FSIP2: variants seen among roughly 807,000 people sequenced by gnomAD.
FSIP2 encodes the protein fibrous sheath-interacting protein 2.
In FSIP2, 367 loss-of-function variants were observed where a neutral mutation model predicts 510.5. The observed-to-expected ratio is 0.72, with a 90% CI of 0.66 to 0.78. The LOEUF (loss-of-function observed/expected upper bound fraction) is 0.78. Among genes scored for constraint, FSIP2 ranks in the 30% least tolerant of loss-of-function variants. FSIP2 has a pLI of 0.00. For synonymous variants in FSIP2, 2,601 were observed against 2,732.2 expected (o/e 0.95, Z 1.50); for missense variants, 7,594 against 7,901.7 (o/e 0.96, Z 1.48).
chr2:185,831,067 T>C (rs370715883), intron 21 of FSIP2, among the ~76,000 whole-genome samples: 1 of 151,956 alleles, frequency 6.6e-6, no homozygotes, highest in African/African-American at 2.4e-5. Context: ...ACTCTTGTAA[T>C]AGTTATCTGT....
chr2:185,771,284 C>T (rs543059879), intron 13 of FSIP2, among the ~76,000 whole-genome samples: 1 of 152,318 alleles, frequency 6.6e-6, no homozygotes, highest in East Asian at 1.9e-4. Flanking sequence ...TTCAATCCCA[C>T]ATTTCCCCTT....
In FSIP2 at chr2:185,743,184, T is replaced by C. The variant is rs76731554; in HGVS notation, c.277T>C (p.Leu93=). 1.2e-3 allele frequency: 1,872 copies of C among 1,529,324 alleles called. 23 individuals are homozygous for C. The African/African-American group carries it at 0.021, about 17-fold the overall frequency. The allele number at this position is 1,529,324 out of a possible 1,614,324, so 94.7% of individuals were successfully genotyped here. ...CCTGACTGATCCCTATTGTCGACTT[T>C]TGGAAAACCAATATAAAAGCCTCCA... ...FNLTDPYCRL[L]ENQYKSLHDP... The change falls in exon 3 of 23, where the codon TTG becomes CTG. Residue 93 remains leucine, a synonymous_variant. Transcript: ENST00000424728.
Position 185,800,926 on chromosome 2 carries a change from A to G in FSIP2, c.11620A>G (p.Asn3874Asp). 6.5e-7 allele frequency: 1 copy of G among 1,532,112 alleles called. No homozygotes were observed. Among genetic ancestry groups the G allele is most frequent in the Non-Finnish European group, 8.7e-7 (1 of 1,144,570 alleles). The allele number at this position is 1,532,112 out of a possible 1,614,324, so 94.9% of individuals were successfully genotyped here. Residue 3874 changes from asparagine (N) to aspartate (D), a missense_variant, in exon 17 of 23, where the codon AAC becomes GAC. By Grantham distance (23) the Asn-to-Asp change is conservative. Coordinates refer to ENST00000424728, the MANE Select transcript of FSIP2 (RefSeq NM_173651.4). The part of the protein sequence containing the change: ...ESLPFANKHL[N>D]YRTREIQSSF... ...TCTACCTTTTGCAAATAAGCATTTG[A>G]ACTACAGAACAAGAGAAATACAGTC...
chr2:185,794,827 G>A lies in FSIP2; in HGVS notation c.7691G>A (p.Ser2564Asn). ...VVTSLYENNK[S>N]RTEVEISDHN... ...ACATCATTATATGAAAATAATAAAA[G>A]TAGGACAGAAGTTGAAATATCTGAC... Residue 2564 changes from serine to asparagine, a missense_variant, in exon 16 of 23, where the codon AGT (serine) becomes AAT (asparagine). Transcript: ENST00000424728. The A allele has an allele frequency of 6.5e-7, 1 of 1,531,998 alleles. No individual in the cohort carries two copies. Among genetic ancestry groups the A allele is most frequent in the Non-Finnish European group, 8.7e-7 (1 of 1,144,146 alleles). 94.9% of individuals were successfully genotyped at this position (1,531,998 alleles called of 1,614,324 possible). A position where few individuals can be genotyped will look rare whatever the true frequency, so the allele number is the denominator to read the frequency against.
At chr2:185,811,687 G>T (rs545474860) in intron 17 of FSIP2, among the ~76,000 whole-genome samples, 3 of 152,042 alleles carry the variant, frequency 2.0e-5, no homozygotes, top group Non-Finnish European at 4.4e-5. Flanking sequence ...CACTCTGTTT[G>T]ATTTCAGTTC....
At chr2:185,770,498 C>T (rs1013166168) in intron 13 of FSIP2, among the ~76,000 whole-genome samples, 48 of 152,178 alleles carry the variant, frequency 3.2e-4, no homozygotes, top group African/African-American at 8.4e-4. Flanking sequence ...GTGGGTGCCA[C>T]GCTCTTAAAC....
Position 185,793,946 on chromosome 2 carries a change from T to C in FSIP2, c.6810T>C (p.Asp2270=). ...RLESFATERI[D]SLITLAFQSK... is the part of the protein sequence containing the mutation. ...AATCTTTTGCCACAGAAAGAATAGA[T>C]TCATTAATTACCCTTGCTTTCCAAA... The change falls in exon 16 of 23, where the codon GAT becomes GAC. Residue 2270 remains aspartate, a synonymous_variant. Transcript: ENST00000424728. The C allele has an allele frequency of 6.5e-7, 1 of 1,526,812 alleles. No individual in the cohort carries two copies. Among genetic ancestry groups the C allele is most frequent in the Non-Finnish European group, 8.7e-7 (1 of 1,142,858 alleles). The allele number at this position is 1,526,812 out of a possible 1,614,324, so 94.6% of individuals were successfully genotyped here.
At chr2:185,817,547 C>A (rs1244043896) in intron 19 of FSIP2, among the ~76,000 whole-genome samples, 3 of 151,916 alleles carry the variant, frequency 2.0e-5, no homozygotes, top group African/African-American at 4.8e-5. Context: ...CTGAAAAAAA[C>A]CTAAATCTTC....
chr2:185,831,361 A>G (rs1019739585), intron 21 of FSIP2, among the ~76,000 whole-genome samples: 5 of 151,942 alleles, frequency 3.3e-5, no homozygotes, highest in Non-Finnish European at 7.4e-5. Flanking sequence ...CCAGGTCTAC[A>G]GAGCCACTTT....
intron 19 of FSIP2, among the ~76,000 whole-genome samples, chr2:185,821,014 A>T (rs1228925904): frequency 2.6e-4 from 8 of 30,460 alleles, no homozygotes; most frequent in African/African-American, 1.0e-3. Flanking sequence ...TTCGTTAAAA[A>T]AAAAAAAAAA....
rs1471570392 is a variant in FSIP2 at position 185,780,787 on chromosome 2, CAAT to C, written c.1412-1913_1412-1911del. On this transcript the variant is annotated intron_variant, in intron 13 of 22. Coordinates refer to ENST00000424728, the MANE Select transcript of FSIP2 (RefSeq NM_173651.4). ...TGACAGAAATTTATTGTTGGGGATTCAATAATATTTGGATAGGTTGTAATTCTC... is the reference window on the plus strand; with the variant it reads ...TGACAGAAATTTATTGTTGGGGATTCAATATTTGGATAGGTTGTAATTCTC... Among the ~76,000 whole-genome samples the C allele has an allele frequency of 7.9e-5, 12 of 152,048 alleles. No homozygotes were observed. In the South Asian group the frequency reaches 2.5e-3, roughly 32 times the overall value.
chr2:185,810,638 G>A (rs1276859371), intron 17 of FSIP2, among the ~76,000 whole-genome samples: 3 of 149,888 alleles, frequency 2.0e-5, no homozygotes, highest in Non-Finnish European at 4.4e-5. Flanking sequence ...GTACCAAGGA[G>A]TGGGGCGTTA....
At chr2:185,766,101 T>G (rs926570946) in intron 13 of FSIP2, 14 of 152,074 alleles carry the variant, frequency 9.2e-5, no homozygotes, top group Admixed American at 2.0e-4. Flanking sequence ...CAGGGACAAT[T>G]TGACTTCCTC....
chr2:185,788,702 A>G lies in FSIP2; in HGVS notation c.1566A>G (p.Thr522=). ...IQNVMTWVVA[T]VTSILYPAIT... ...ATGTAATGACCTGGGTTGTGGCTAC[A>G]GTGACCAGTATATTGTACCCAGCCA... Residue 522 remains threonine (T), a synonymous_variant, in exon 16 of 23, where the codon ACA becomes ACG. Coordinates refer to ENST00000424728, the MANE Select transcript of FSIP2 (RefSeq NM_173651.4). 3.3e-6 allele frequency: 5 copies of G among 1,532,814 alleles called. No individual in the cohort carries two copies. Among genetic ancestry groups the G allele is most frequent in the Non-Finnish European group, 4.4e-6 (5 of 1,144,726 alleles). The allele number at this position is 1,532,814 out of a possible 1,614,324, so 95.0% of individuals were successfully genotyped here.
At position 185,795,485 on chromosome 2, in the gene FSIP2, T is replaced by C; in HGVS notation, c.8349T>C (p.Tyr2783=). The change falls in exon 16 of 23, where the codon TAT becomes TAC. Residue 2783 remains tyrosine, a synonymous_variant. Transcript: ENST00000424728. Reference sequence around the variant, plus strand: ...TTAATACAGTTTTGCAAGAATTATATGTTACCAATAACTGCAATTTGGCTT... The same window carrying C: ...TTAATACAGTTTTGCAAGAATTATACGTTACCAATAACTGCAATTTGGCTT... ...KIVNTVLQEL[Y]VTNNCNLAYP... is the part of the protein sequence containing the mutation. The C allele has an allele frequency of 1.3e-6, 2 of 1,534,848 alleles. No individual in the cohort carries two copies. The highest frequency in any genetic ancestry group is 1.7e-6 in the Non-Finnish European group (2 of 1,146,096).
intron 2 of FSIP2, among the ~76,000 whole-genome samples, chr2:185,740,079 C>T (rs1691893516): frequency 6.6e-6 from 1 of 152,134 alleles, no homozygotes; most frequent in African/African-American, 2.4e-5. Flanking sequence ...CAGAGAGGCT[C>T]AGCTTCTTCA....
In FSIP2 at chr2:185,739,436, A is replaced by C. The variant is rs1691876322; in HGVS notation, c.190A>C (p.Asn64His). The C allele has an allele frequency of 2.0e-6, 3 of 1,534,180 alleles. No individual in the cohort carries two copies. The highest frequency in any genetic ancestry group is 2.6e-6 in the Non-Finnish European group (3 of 1,146,142). The change falls in exon 2 of 23, where the codon AAT (asparagine) becomes CAT (histidine). Residue 64 changes from asparagine to histidine, a missense_variant. Transcript: ENST00000424728. ...GVKLPVIPGS[N>H]AVFYTTNFGE... ...CAAGCTGCCTGTGATCCCAGGAAGC[A>C]ATGCTGTATTCTATACTACGAATTT...
At chr2:185,748,444 AATT>A (rs1203836001) in intron 7 of FSIP2, among the ~76,000 whole-genome samples, 2 of 151,520 alleles carry the variant, frequency 1.3e-5, no homozygotes, top group Non-Finnish European at 3.0e-5. Flanking sequence ...GCCCAGCCAT[AATT>A]ATTATTAATA....
At position 185,797,348 on chromosome 2, in the gene FSIP2, G is replaced by A. The variant is rs10173413; in HGVS notation, c.10212G>A (p.Arg3404=). The A allele has an allele frequency of 1.6e-3, 2,420 of 1,528,254 alleles. 36 individuals are homozygous for A. In the African/African-American group the frequency reaches 0.027, roughly 17 times the overall value. The allele number at this position is 1,528,254 out of a possible 1,614,324, so 94.7% of individuals were successfully genotyped here. A position where few individuals can be genotyped will look rare whatever the true frequency, so the allele number is the denominator to read the frequency against. Residue 3404 remains arginine (R), a synonymous_variant, in exon 16 of 23, where the codon CGG becomes CGA. Transcript: ENST00000424728. ...EEENENLEAS[R]EDSSFLQKLK... is the part of the protein sequence containing the mutation. ...AAAATGAAAACCTTGAAGCCAGCCG[G>A]GAAGATTCTTCTTTTTTGCAAAAAT... is the stretch of plus-strand genomic sequence containing the variant.
Sources: allele counts gnomAD v4.1 joint callset (sites outside exome capture counted in the v4.1 genomes callset), GRCh38; gene constraint gnomAD v4.1.1; transcripts MANE v1.5; gene names NCBI Gene and HGNC (gene_info 2026-07-23, HGNC 2026-07-21).